SECISBP2L: variants seen among roughly 807,000 people sequenced by gnomAD.
SECISBP2L encodes selenocysteine insertion sequence-binding protein 2-like.
In SECISBP2L, 43 loss-of-function variants were observed where a neutral mutation model predicts 114.7. The ratio of observed to expected loss-of-function variants is 0.38; its 90% confidence interval spans 0.29 to 0.48. The LOEUF (loss-of-function observed/expected upper bound fraction) is 0.48, where lower values mean the gene tolerates loss of function less well. Ranked by LOEUF, SECISBP2L falls within the 20% of genes least tolerant of loss-of-function variation. The pLI, the probability that SECISBP2L is intolerant of heterozygous loss-of-function variation, is 0.98. For synonymous variants in SECISBP2L, 451 were observed against 439.7 expected (o/e 1.03, Z -0.32); for missense variants, 1,136 against 1,301.1 (o/e 0.87, Z 1.95).
chr15:49,029,488 G>C (rs918448363), intron 4 of SECISBP2L, among the ~76,000 whole-genome samples: 4 of 152,144 alleles, frequency 2.6e-5, no homozygotes, highest in African/African-American at 9.7e-5. Flanking sequence ...CTGGCTTTCA[G>C]ATTCTGGTGC....
At chr15:49,013,804 C>T (rs1184944312) in intron 11 of SECISBP2L, among the ~76,000 whole-genome samples, 1 of 152,156 alleles carries the variant, frequency 6.6e-6, no homozygotes, top group Admixed American at 6.5e-5. Flanking sequence ...CACCAACTGT[C>T]TTTATTCTTA....
At chr15:49,024,854 C>T (rs905813628) in intron 7 of SECISBP2L, among the ~76,000 whole-genome samples, 8 of 152,134 alleles carry the variant, frequency 5.3e-5, no homozygotes, top group African/African-American at 1.9e-4. Context: ...AAGTAGAAAG[C>T]AAATACATTG....
At chr15:49,022,650 G>A (rs1018977761) in intron 7 of SECISBP2L, among the ~76,000 whole-genome samples, 2 of 152,078 alleles carry the variant, frequency 1.3e-5, no homozygotes, top group Non-Finnish European at 1.5e-5. Context: ...GCATAGAAAG[G>A]TGACACATCA....
intron 1 of SECISBP2L, among the ~76,000 whole-genome samples, chr15:49,038,106 G>GT (rs1903049708): frequency 6.6e-6 from 1 of 152,024 alleles, no homozygotes; most frequent in Non-Finnish European, 1.5e-5. Flanking sequence ...AAAACAATGT[G>GT]TTTTTAACTC....
Position 48,992,566 on chromosome 15 carries a change from T to C in SECISBP2L, c.2984A>G (p.Asp995Gly). The change falls in exon 18 of 18, where the codon GAT (aspartate) becomes GGT (glycine). Residue 995 changes from aspartate to glycine, a missense_variant. Physicochemically the swap from Asp to Gly is moderately conservative, Grantham distance 94. Transcript: ENST00000559471. Reference sequence around the variant, plus strand: ...AGTATAATCTTCCTCCTCCTCCTCATCTTCATCTTCTTCTTCTTCAAGCAT... The same window carrying C: ...AGTATAATCTTCCTCCTCCTCCTCACCTTCATCTTCTTCTTCTTCAAGCAT... ...PGMLEEEEDE[D>G]EEEEEDYTHE... 6.2e-7 allele frequency: 1 copy of C among 1,614,034 alleles called. No homozygotes were observed. The highest frequency in any genetic ancestry group is 1.1e-5 in the South Asian group (1 of 91,078).
At chr15:49,025,915 A>G (rs981605761) in intron 7 of SECISBP2L, among the ~76,000 whole-genome samples, 2 of 152,206 alleles carry the variant, frequency 1.3e-5, no homozygotes, top group Non-Finnish European at 2.9e-5. Context: ...TGTTAAAGAG[A>G]TATCTGCCTC....
chr15:49,009,717 A>T (rs1019685346), intron 13 of SECISBP2L, among the ~76,000 whole-genome samples: 1 of 152,118 alleles, frequency 6.6e-6, no homozygotes, highest in Non-Finnish European at 1.5e-5. Flanking sequence ...TCTTTAAAAA[A>T]AAAACATTCC....
Position 49,019,692 on chromosome 15 carries a change from G to T in SECISBP2L, c.1036-140C>A, listed in dbSNP as rs898561920. 7.8e-6 allele frequency: 5 copies of T among 640,190 alleles called. No homozygotes were observed. In the African/African-American group the frequency reaches 9.5e-5, roughly 12 times the overall value. 39.7% of individuals were successfully genotyped at this position (640,190 alleles called of 1,614,324 possible). A position where few individuals can be genotyped will look rare whatever the true frequency, so the allele number is the denominator to read the frequency against. On this transcript the variant is annotated intron_variant, in intron 7 of 17. Transcript: ENST00000559471. ...CACCAAGTGCATCACTTATTTTAAAGATCAAGTTTCTGACAAGTAAGGTAC... is the reference window on the plus strand; with the variant it reads ...CACCAAGTGCATCACTTATTTTAAATATCAAGTTTCTGACAAGTAAGGTAC...
chr15:49,007,634 C>A (rs1226758995), intron 14 of SECISBP2L, among the ~76,000 whole-genome samples: 4 of 152,128 alleles, frequency 2.6e-5, no homozygotes, highest in Non-Finnish European at 5.9e-5. Flanking sequence ...AGGATATAAA[C>A]CAAATGACAA....
Position 49,000,927 on chromosome 15 carries a change from T to G in SECISBP2L, c.2198A>C (p.Lys733Thr). The G allele has an allele frequency of 6.2e-7, 1 of 1,613,726 alleles. No homozygotes were observed. The highest frequency in any genetic ancestry group is 8.5e-7 in the Non-Finnish European group (1 of 1,179,834). Residue 733 changes from lysine (K) to threonine (T), a missense_variant, in exon 15 of 18, where the codon AAG (lysine) becomes ACG (threonine). Transcript: ENST00000559471. ...REVTKHMKLN[K>T]IKCVIISPNC... ...TGGAGAAATTATAACACACTTGATC[T>G]TGTTTAACTTCATATGTTTGGTAAC... is the stretch of plus-strand genomic sequence containing the variant.
At chr15:49,024,593 A>T (rs1902704971) in intron 7 of SECISBP2L, among the ~76,000 whole-genome samples, 1 of 152,126 alleles carries the variant, frequency 6.6e-6, no homozygotes, top group Admixed American at 6.6e-5. Context: ...CTACTTTGAA[A>T]ATTTTGTTTT....
At chr15:49,012,446 C>T (rs1054524702) in intron 12 of SECISBP2L, among the ~76,000 whole-genome samples, 1 of 151,760 alleles carries the variant, frequency 6.6e-6, no homozygotes, top group Non-Finnish European at 1.5e-5. Flanking sequence ...ATTCATTTTC[C>T]AGGGCCCCGT....
intron 7 of SECISBP2L, among the ~76,000 whole-genome samples, chr15:49,022,239 T>C (rs1902653226): frequency 1.3e-5 from 2 of 152,170 alleles, no homozygotes; most frequent in South Asian, 4.2e-4. Context: ...CACCTCAGCC[T>C]CCCAAGTAGC....
intron 1 of SECISBP2L, among the ~76,000 whole-genome samples, chr15:49,040,380 C>G (rs1903098251): frequency 6.6e-6 from 1 of 152,190 alleles, no homozygotes; most frequent in African/African-American, 2.4e-5. Context: ...CTAGTAGGAA[C>G]AGACTGGCAA....
chr15:49,016,786 T>C (rs1902545617), intron 10 of SECISBP2L, 62 bp downstream of exon 10: 3 of 1,559,704 alleles, frequency 1.9e-6, no homozygotes, highest in Non-Finnish European at 2.6e-6. Flanking sequence ...TCACTCCTTC[T>C]ATCTATTCCA....
At chr15:49,006,210 C>A (rs761537305) in intron 14 of SECISBP2L, among the ~76,000 whole-genome samples, 3 of 152,148 alleles carry the variant, frequency 2.0e-5, no homozygotes, top group Non-Finnish European at 4.4e-5. Flanking sequence ...CTTGGTGAAT[C>A]TGATGCTTTG....
intron 4 of SECISBP2L, among the ~76,000 whole-genome samples, chr15:49,029,135 T>C (rs1165339625): frequency 6.6e-6 from 1 of 152,224 alleles, no homozygotes; most frequent in African/African-American, 2.4e-5. Flanking sequence ...ATTACAGGCA[T>C]GAGCTACCTC....
chr15:49,026,016 T>C lies in SECISBP2L; in HGVS notation c.1035+1349A>G, dbSNP rs528429150. 3.5e-4 allele frequency among the ~76,000 whole-genome samples: 53 copies of C among 152,280 alleles called. 1 individual carries two copies. The highest frequency in any genetic ancestry group is 1.3e-3 in the African/African-American group (53 of 41,562). On this transcript the variant is annotated intron_variant, in intron 7 of 17. Transcript: ENST00000559471. ...GATGAATGGATGAAGAAATGTGGTA[T>C]ATATAAACAAGGGAATACTATTCAG... is the stretch of plus-strand genomic sequence containing the variant.
intron 3 of SECISBP2L, 37 bp from the exon 4 acceptor site, chr15:49,033,137 C>G (rs749043090): frequency 1.3e-6 from 2 of 1,591,740 alleles, no homozygotes; most frequent in South Asian, 2.3e-5. Flanking sequence ...AAAAAACACA[C>G]AACTATTCAA....
Sources: gnomAD v4.1 joint callset for allele counts (sites outside exome capture counted in the v4.1 genomes callset) on GRCh38, gnomAD v4.1.1 for gene constraint, MANE v1.5 for transcripts, NCBI Gene and HGNC (gene_info 2026-07-23, HGNC 2026-07-21) for gene names.